DFFB: variants seen among roughly 807,000 people sequenced by gnomAD.
DFFB encodes the protein DNA fragmentation factor 40 kDa subunit.
A neutral mutation model predicts 32.7 loss-of-function variants in DFFB; 29 were observed. That is an observed-to-expected ratio of 0.89 (90% confidence interval 0.66 to 1.21). The LOEUF (loss-of-function observed/expected upper bound fraction) is 1.21, where lower values mean the gene tolerates loss of function less well. Ranked by LOEUF, DFFB falls within the 50% of genes most tolerant of loss-of-function variation. The pLI is 0.00. For synonymous variants in DFFB, 170 were observed against 177.1 expected, an observed-to-expected ratio of 0.96 and a Z score of 0.32; for missense variants, 398 against 440.6, an observed-to-expected ratio of 0.90 and a Z score of 0.87.
intron 6 of DFFB, among the ~76,000 whole-genome samples, chr1:3,877,390 A>C (rs1032771690): frequency 7.3e-6 from 1 of 136,418 alleles, no homozygotes; most frequent in African/African-American, 2.9e-5. Flanking sequence ...GTGCAGTGGC[A>C]TGATCTCGAC....
At chr1:3,862,083 A>G (rs984824579) in intron 2 of DFFB, among the ~76,000 whole-genome samples, 1 of 152,246 alleles carries the variant, frequency 6.6e-6, no homozygotes. Flanking sequence ...CCAACGAACA[A>G]TCTGAAAATG....
rs544731934 is a variant in DFFB at position 3,872,197 on chromosome 1, G to A, written c.682-275G>A. Among the ~76,000 whole-genome samples the A allele has an allele frequency of 3.5e-4, 54 of 152,242 alleles. No individual in the cohort carries two copies. In the East Asian group the frequency reaches 6.6e-3, roughly 19 times the overall value. ...TGGGAGGCCAAGGCGGGCGGATCAC[G>A]AGGTCAAGAGATCGAGACCATCCTG... On this transcript the variant is annotated intron_variant, in intron 5 of 6. Transcript: ENST00000378209.
chr1:3,874,069 C>G (rs150894791), intron 6 of DFFB, among the ~76,000 whole-genome samples: 2 of 152,208 alleles, frequency 1.3e-5, no homozygotes, highest in African/African-American at 4.8e-5. Context: ...TTACCACAAG[C>G]GTGTGAGTTT....
At chr1:3,871,977 C>T (rs1469969221) in intron 5 of DFFB, among the ~76,000 whole-genome samples, 1 of 152,148 alleles carries the variant, frequency 6.6e-6, no homozygotes, top group Admixed American at 6.5e-5. Flanking sequence ...GGCGATGGTG[C>T]TAGACCCTTC....
At chr1:3,882,990 A>G (rs896386955) in intron 6 of DFFB, among the ~76,000 whole-genome samples, 1 of 148,120 alleles carries the variant, frequency 6.8e-6, no homozygotes, top group Admixed American at 6.8e-5. Context: ...AGTATTCTGA[A>G]CAGTGACACG....
chr1:3,862,746 A>C (rs193197414), intron 2 of DFFB, among the ~76,000 whole-genome samples: 1,552 of 152,346 alleles, frequency 0.01, 26 homozygotes, highest in African/African-American at 0.035. Context: ...CCTTAGAAGA[A>C]AACATAGCGA....
chr1:3,868,594 A>G (rs1645031502), intron 4 of DFFB, among the ~76,000 whole-genome samples: 1 of 150,988 alleles, frequency 6.6e-6, no homozygotes, highest in South Asian at 2.1e-4. Flanking sequence ...GCCACGCTAC[A>G]CCATACCACA....
intron 6 of DFFB, among the ~76,000 whole-genome samples, chr1:3,876,371 C>A (rs924404907): frequency 6.6e-6 from 1 of 152,176 alleles, no homozygotes; most frequent in African/African-American, 2.4e-5. Context: ...GAAGGGACAG[C>A]GTGAGTCAGA....
At chr1:3,869,446 C>G (rs543545107) in intron 4 of DFFB, among the ~76,000 whole-genome samples, 159 bp from the exon 5 acceptor site, 1 of 152,356 alleles carries the variant, frequency 6.6e-6, no homozygotes, top group South Asian at 2.1e-4. Flanking sequence ...GGTGGGACAG[C>G]CCAGCAGTGG....
At chr1:3,858,420 G>A (rs1644803445) in intron 1 of DFFB, among the ~76,000 whole-genome samples, 1 of 152,244 alleles carries the variant, frequency 6.6e-6, no homozygotes, top group African/African-American at 2.4e-5. Flanking sequence ...GTCAAAGACA[G>A]GCTCTATTTG....
chr1:3,877,884 G>A (rs758137081), intron 6 of DFFB, among the ~76,000 whole-genome samples: 5 of 151,882 alleles, frequency 3.3e-5, no homozygotes, highest in African/African-American at 1.2e-4. Context: ...GCTTTCTCTC[G>A]GTCCTGTGGC....
Position 3,858,350 on chromosome 1 carries a change from T to A in DFFB, c.115-368T>A, listed in dbSNP as rs191561330. Among the ~76,000 whole-genome samples, 889 of 152,306 alleles carry A rather than the reference T, an allele frequency of 5.8e-3. 10 individuals are homozygous for A. The highest frequency in any genetic ancestry group is 0.02 in the African/African-American group (844 of 41,572). ...GTTCTCCTTCGTGTGCCAGCACCGCTCTGGCGGCTGTGTGCTGGGGATGGT... is the reference window on the plus strand; with the variant it reads ...GTTCTCCTTCGTGTGCCAGCACCGCACTGGCGGCTGTGTGCTGGGGATGGT... On this transcript the variant is annotated intron_variant, in intron 1 of 6. Coordinates refer to ENST00000378209, the MANE Select transcript of DFFB (RefSeq NM_004402.4).
rs745710168 is a variant in DFFB at position 3,869,716 on chromosome 1, G to A, written c.622G>A (p.Asp208Asn). The A allele has an allele frequency of 3.1e-6, 5 of 1,612,166 alleles. No homozygotes were observed. The highest frequency in any genetic ancestry group is 2.2e-5 in the East Asian group (1 of 44,840). Residue 208 changes from aspartate (D) to asparagine (N), a missense_variant, in exon 5 of 7, where the codon GAC (aspartate) becomes AAC (asparagine). Transcript: ENST00000378209. ...RSMQYNGSYFDRGAKGGSRLC... is the reference protein window; with the variant it reads ...RSMQYNGSYFNRGAKGGSRLC... ...CATGCAGTACAATGGCAGCTACTTC[G>A]ACAGAGGAGCCAAGGGCGGCAGCCG...
At chr1:3,867,905 G>A (rs984965593) in intron 3 of DFFB, 69 bp from the exon 4 acceptor site, 2 of 1,436,712 alleles carry the variant, frequency 1.4e-6, no homozygotes, top group Non-Finnish European at 2.0e-6. Context: ...ACCTGGGCTG[G>A]GCAGGACACA....
intron 1 of DFFB, 57 bp downstream of exon 1, chr1:3,857,774 A>C: frequency 1.6e-6 from 2 of 1,231,790 alleles, no homozygotes; most frequent in Non-Finnish European, 2.2e-6. Context: ...GGAGAATAGG[A>C]GGTGCCGCTT....
chr1:3,865,666 A>G lies in DFFB; in HGVS notation c.242-146A>G, dbSNP rs965937482. Reference sequence around the variant, plus strand: ...AGCTGTTGGTGTCAGGGCAAGGACAAAGACCCGGGACACCTCAAGTCTGAG... The same window carrying G: ...AGCTGTTGGTGTCAGGGCAAGGACAGAGACCCGGGACACCTCAAGTCTGAG... On this transcript the variant is annotated intron_variant, in intron 2 of 6. Coordinates refer to ENST00000378209, the MANE Select transcript of DFFB (RefSeq NM_004402.4). This position sits in a 1 kb window ranked among gnomAD's most constrained non-coding sequence, Gnocchi z 4.7. 4 of 1,300,788 alleles carry G rather than the reference A, an allele frequency of 3.1e-6. No individual in the cohort carries two copies. The highest frequency in any genetic ancestry group is 2.9e-5 in the African/African-American group (2 of 68,890). 80.6% of individuals were successfully genotyped at this position (1,300,788 alleles called of 1,614,324 possible). A position where few individuals can be genotyped will look rare whatever the true frequency, so the allele number is the denominator to read the frequency against.
rs1056729979 is a variant in DFFB at position 3,865,467 on chromosome 1, C to T, written c.242-345C>T. Reference sequence around the variant, plus strand: ...TCCAGGAGAGAGTAGGAAAAGTGATCGGAAGGATCTGAAAGCAAGGTCTCC... The same window carrying T: ...TCCAGGAGAGAGTAGGAAAAGTGATTGGAAGGATCTGAAAGCAAGGTCTCC... On this transcript the variant is annotated intron_variant, in intron 2 of 6. Transcript: ENST00000378209. This position sits in a 1 kb window ranked among gnomAD's most constrained non-coding sequence, Gnocchi z 4.7. Among the ~76,000 whole-genome samples, 10 of 152,118 alleles carry T rather than the reference C, an allele frequency of 6.6e-5. No individual in the cohort carries two copies. In the East Asian group the frequency reaches 1.5e-3, roughly 24 times the overall value.
At chr1:3,881,757 C>A (rs1261907483) in intron 6 of DFFB, among the ~76,000 whole-genome samples, 2 of 152,176 alleles carry the variant, frequency 1.3e-5, no homozygotes, top group East Asian at 3.9e-4. Context: ...GTAATCCCAG[C>A]TACTCAGGAG....
rs905513339 is a variant in DFFB, at chr1:3,865,440, G to A, written c.242-372G>A. 1.3e-5 allele frequency among the ~76,000 whole-genome samples: 2 copies of A among 152,166 alleles called. No homozygotes were observed. Among genetic ancestry groups the A allele is most frequent in the Non-Finnish European group, 2.9e-5 (2 of 68,032 alleles). On this transcript the variant is annotated intron_variant, in intron 2 of 6. Transcript: ENST00000378209. The surrounding 1 kb of genome is among the most constrained non-coding windows in gnomAD (Gnocchi z 4.7). Reference sequence around the variant, plus strand: ...CGCTGCTTTAGGGAGTTGTGAAAAGGCTCCAGGAGAGAGTAGGAAAAGTGA... The same window carrying A: ...CGCTGCTTTAGGGAGTTGTGAAAAGACTCCAGGAGAGAGTAGGAAAAGTGA...
Sources: allele counts gnomAD v4.1 joint callset (sites outside exome capture counted in the v4.1 genomes callset), GRCh38; gene constraint gnomAD v4.1.1; non-coding constraint Gnocchi (gnomAD v3.1); transcripts MANE v1.5; gene names NCBI Gene and HGNC (gene_info 2026-07-23, HGNC 2026-07-21).